Variants in ZBTB17 observed in about 807,000 individuals in gnomAD.
ZBTB17 encodes the protein zinc finger and BTB domain-containing protein 17.
A neutral mutation model predicts 85.1 loss-of-function variants in ZBTB17; 24 were observed. The observed-to-expected ratio is 0.28, with a 90% confidence interval of 0.20 to 0.40. The LOEUF is 0.40. Ranked by LOEUF, ZBTB17 falls within the 10% of genes least tolerant of loss-of-function variation. The probability of loss-of-function intolerance (pLI) is 1.00; values close to 1 mark genes in which losing one functional copy is unlikely to be tolerated. For synonymous variants in ZBTB17, 464 were observed against 460.2 expected, an observed-to-expected ratio of 1.01 and a Z score of -0.11; for missense variants, 743 against 1,105.1, an observed-to-expected ratio of 0.67 and a Z score of 4.65.
In ZBTB17 at chr1:15,944,344, C is replaced by T. The variant is rs1211144719; in HGVS notation, c.1327G>A (p.Asp443Asn). The T allele has an allele frequency of 6.4e-7, 1 of 1,556,728 alleles. No homozygotes were observed. Among genetic ancestry groups the T allele is most frequent in the East Asian group, 2.4e-5 (1 of 41,198 alleles). ...KMRHLETHDT[D>N]KEHKCPHCDK... ...CAGTGTGGGCACTTGTGCTCCTTGT[C>T]CGTGTCGTGGGTCTCCAGGTGGCGC... Residue 443 changes from aspartate to asparagine, a missense_variant, in exon 9 of 16, where the codon GAC becomes AAC. Physicochemically the swap from Asp to Asn is conservative, Grantham distance 23. Around this residue, in one of 4 missense-constraint regions of ZBTB17, gnomAD observed 321 missense variants for 615.7 expected, o/e 0.52. Coordinates refer to ENST00000375743, the MANE Select transcript of ZBTB17 (RefSeq NM_003443.3).
chr1:15,943,289 C>T (rs1406996336), intron 12 of ZBTB17, 95 bp from the exon 13 acceptor site: 11 of 1,599,896 alleles, frequency 6.9e-6, no homozygotes, highest in South Asian at 1.1e-5. Flanking sequence ...GGACCAGAGC[C>T]TGGGGCGTGG....
Position 15,942,151 on chromosome 1 carries a change from G to C in ZBTB17, c.2230C>G (p.Leu744Val). 6.2e-7 allele frequency: 1 copy of C among 1,613,688 alleles called. No individual in the cohort carries two copies. Among genetic ancestry groups the C allele is most frequent in the Non-Finnish European group, 8.5e-7 (1 of 1,180,040 alleles). ...QHVRIHTAQA[L>V]VMFQTDADFY... ...TCCGCGTCTGTCTGGAACATGACCA[G>C]TGCCTGGGCTGTGTGGATTCGCACA... Residue 744 changes from leucine (L) to valine (V), a missense_variant, in exon 16 of 16, where the codon CTG (leucine) becomes GTG (valine). Coordinates refer to ENST00000375743, the MANE Select transcript of ZBTB17 (RefSeq NM_003443.3).
chr1:15,960,284 G>A (rs1244097679), intron 2 of ZBTB17, among the ~76,000 whole-genome samples: 1 of 152,174 alleles, frequency 6.6e-6, no homozygotes. Flanking sequence ...AAATGGAGAT[G>A]ATGACAAAAG....
intron 2 of ZBTB17, among the ~76,000 whole-genome samples, chr1:15,949,563 C>T (rs2071751943): frequency 6.6e-6 from 1 of 152,258 alleles, no homozygotes; most frequent in African/African-American, 2.4e-5. Context: ...TCCTCCTCTT[C>T]TCTGAGGCCT....
At chr1:15,969,514 G>A (rs1057354963) in intron 2 of ZBTB17, 20 of 282,690 alleles carry the variant, frequency 7.1e-5, no homozygotes, top group African/African-American at 4.1e-4. Context: ...CGGGGGCCGA[G>A]GGGGCACGAG....
At chr1:15,944,131 G>C in intron 9 of ZBTB17, 169 bp downstream of exon 9, 1 of 1,150,896 alleles carries the variant, frequency 8.7e-7, no homozygotes, top group Non-Finnish European at 1.3e-6. Flanking sequence ...CAGAGCAACC[G>C]GGAGCTCCCC....
At chr1:15,968,933 A>G (rs1227228362) in intron 2 of ZBTB17, among the ~76,000 whole-genome samples, 1 of 152,154 alleles carries the variant, frequency 6.6e-6, no homozygotes, top group Non-Finnish European at 1.5e-5. Context: ...GGGGTTCCCA[A>G]CCCCTGGGCC....
intron 6 of ZBTB17, 51 bp from the exon 7 acceptor site, chr1:15,945,253 C>G (rs913142021): frequency 6.5e-7 from 1 of 1,538,056 alleles, no homozygotes; most frequent in Non-Finnish European, 8.8e-7. Flanking sequence ...TGCCTGAGCG[C>G]ACGTGAGGGG....
intron 2 of ZBTB17, chr1:15,969,615 A>G: frequency 2.4e-6 from 1 of 420,444 alleles, no homozygotes; most frequent in Non-Finnish European, 4.8e-6. Flanking sequence ...GGGTGGGGGG[A>G]GCAGGGCAGG....
chr1:15,971,502 TAC>T lies in ZBTB17; in HGVS notation c.-3+1535_-3+1536del, dbSNP rs1362436851. ...TATATATACACACACTATATATATATACACACACACTATATATATACACACAC... is the reference window on the plus strand; with the variant it reads ...TATATATACACACACTATATATATATACACACACTATATATATACACACAC... On this transcript the variant is annotated intron_variant, in intron 2 of 15. Coordinates refer to ENST00000375743, the MANE Select transcript of ZBTB17 (RefSeq NM_003443.3). Among the ~76,000 whole-genome samples the T allele has an allele frequency of 6.0e-3, 163 of 27,226 alleles. 6 individuals are homozygous for T. The highest frequency in any genetic ancestry group is 0.015 in the African/African-American group (150 of 10,060). The allele number at this position is 27,226 out of a possible 152,430, so 17.9% of individuals were successfully genotyped here.
At chr1:15,967,653 T>C (rs932357970) in intron 2 of ZBTB17, among the ~76,000 whole-genome samples, 2 of 152,224 alleles carry the variant, frequency 1.3e-5, no homozygotes, top group African/African-American at 4.8e-5. Context: ...ACTCTGCATA[T>C]TTTCTTTTTT....
chr1:15,961,189 A>G (rs1388983736), intron 2 of ZBTB17, among the ~76,000 whole-genome samples: 1 of 152,252 alleles, frequency 6.6e-6, no homozygotes, highest in African/African-American at 2.4e-5. Flanking sequence ...CATGCATTCG[A>G]AGTATAACAG....
intron 6 of ZBTB17, 79 bp from the exon 7 acceptor site, chr1:15,945,281 A>T (rs2071551093): frequency 6.6e-7 from 1 of 1,512,328 alleles, no homozygotes; most frequent in Admixed American, 2.0e-5. Context: ...AACATGTGGA[A>T]GGGACAGTAA....
chr1:15,963,270 C>T (rs2072322659), intron 2 of ZBTB17, among the ~76,000 whole-genome samples: 1 of 152,066 alleles, frequency 6.6e-6, no homozygotes, highest in Non-Finnish European at 1.5e-5. Context: ...CCGCAAACAG[C>T]CACAAATGCT....
intron 2 of ZBTB17, among the ~76,000 whole-genome samples, chr1:15,971,715 T>C (rs2072694369): frequency 6.6e-6 from 1 of 151,530 alleles, no homozygotes; most frequent in African/African-American, 2.4e-5. Flanking sequence ...CATGTAATTC[T>C]CCAGACAATT....
chr1:15,967,483 A>G (rs2072486035), intron 2 of ZBTB17, among the ~76,000 whole-genome samples: 1 of 151,974 alleles, frequency 6.6e-6, no homozygotes, highest in African/African-American at 2.4e-5. Flanking sequence ...GTTTGGGACC[A>G]GCCTGGGCAA....
intron 3 of ZBTB17, among the ~76,000 whole-genome samples, chr1:15,947,900 C>T (rs2071678775): frequency 6.6e-6 from 1 of 152,228 alleles, no homozygotes; most frequent in African/African-American, 2.4e-5. Flanking sequence ...GCTCCCAGCC[C>T]CTAGGCCTTC....
chr1:15,956,528 C>T (rs1339412687), intron 2 of ZBTB17, among the ~76,000 whole-genome samples: 5 of 152,176 alleles, frequency 3.3e-5, no homozygotes, highest in Non-Finnish European at 5.9e-5. Context: ...AATGTCCATT[C>T]CATTAATCAC....
chr1:15,942,936 C>T, intron 13 of ZBTB17, 128 bp downstream of exon 13: 1 of 1,449,724 alleles, frequency 6.9e-7, no homozygotes, highest in Non-Finnish European at 9.3e-7. Flanking sequence ...AACAGAACTG[C>T]CTTCAAGGCC....
Sources: allele counts gnomAD v4.1 joint callset (sites outside exome capture counted in the v4.1 genomes callset), GRCh38; gene constraint gnomAD v4.1.1; regional missense constraint gnomAD v4.1.1; transcripts MANE v1.5; gene names NCBI Gene and HGNC (gene_info 2026-07-23, HGNC 2026-07-21).